ZNF708: variants seen among roughly 807,000 people sequenced by gnomAD.
The protein encoded by ZNF708 is ZNF15, ZNF15L1.
Under a neutral mutation model 47.0 loss-of-function variants are expected in ZNF708, and 44 were observed. The ratio of observed to expected loss-of-function variants is 0.94; its 90% CI spans 0.74 to 1.20. ZNF708 has a LOEUF of 1.20. Among genes scored for constraint, ZNF708 ranks in the 50% most tolerant of loss-of-function variants. The pLI, the probability that ZNF708 is intolerant of heterozygous loss-of-function variation, is 0.00. For missense variants in ZNF708, 557 were observed against 656.0 expected (o/e 0.85, Z 1.65); for synonymous variants, 184 against 218.5 (o/e 0.84, Z 1.39).
intron 1 of ZNF708, among the ~76,000 whole-genome samples, chr19:21,317,139 G>C (rs1973031476): frequency 1.3e-5 from 2 of 151,890 alleles, no homozygotes. Context: ...AATTAGCCAG[G>C]CATGGTGGTG....
chr19:21,314,626 C>G (rs1164554736), intron 1 of ZNF708, among the ~76,000 whole-genome samples: 1 of 152,152 alleles, frequency 6.6e-6, no homozygotes, highest in Non-Finnish European at 1.5e-5. Flanking sequence ...ACTGCTTCAT[C>G]TATTTTTCTA....
chr19:21,306,875 C>T (rs483383), intron 3 of ZNF708: 29,684 of 151,258 alleles, frequency 0.2, 3,189 homozygotes, highest in Non-Finnish European at 0.24. Flanking sequence ...ACCCGGGAGG[C>T]GGAGGTTTCA....
At chr19:21,307,330 A>G (rs1436962938) in intron 3 of ZNF708, among the ~76,000 whole-genome samples, 1 of 152,090 alleles carries the variant, frequency 6.6e-6, no homozygotes, top group Admixed American at 6.6e-5. Context: ...TGGCAGCCCA[A>G]AAAAGAAGAT....
chr19:21,308,813 T>C (rs551731154), intron 3 of ZNF708, among the ~76,000 whole-genome samples: 29 of 152,164 alleles, frequency 1.9e-4, no homozygotes, highest in Admixed American at 1.1e-3. Flanking sequence ...CCTGTAGTAA[T>C]ACAAATAAGA....
At chr19:21,301,822 C>T (rs1349942654) in intron 3 of ZNF708, among the ~76,000 whole-genome samples, 1 of 134,922 alleles carries the variant, frequency 7.4e-6, no homozygotes, top group Non-Finnish European at 1.6e-5. Context: ...AACCTAAGAA[C>T]TTTCCAAATG....
At chr19:21,310,268 GA>G (rs1190564188) in intron 2 of ZNF708, among the ~76,000 whole-genome samples, 2 of 151,400 alleles carry the variant, frequency 1.3e-5, no homozygotes, top group Non-Finnish European at 2.9e-5. Context: ...AACATGGTAA[GA>G]CCCCATCTCT....
intron 3 of ZNF708, among the ~76,000 whole-genome samples, chr19:21,304,502 C>A (rs1972721750): frequency 6.6e-6 from 1 of 152,096 alleles, no homozygotes; most frequent in Non-Finnish European, 1.5e-5. Flanking sequence ...CAGATATGTA[C>A]AAAACTTACC....
At position 21,293,961 on chromosome 19, in the gene ZNF708, G is replaced by T; in HGVS notation, c.1005C>A (p.Pro335=). The change falls in exon 4 of 4, where the codon CCC becomes CCA. Residue 335 remains proline (P), a synonymous_variant. Transcript: ENST00000356929. The part of the protein sequence containing the change: ...THKRIHTGEK[P]YKCEECGKAF... ...CTTTGCCACATTCTTCACATTTGTA[G>T]GGTTTCTCACCAGTATGAATCCTCT... 6.2e-7 allele frequency: 1 copy of T among 1,613,342 alleles called. No individual in the cohort carries two copies. The highest frequency in any genetic ancestry group is 8.5e-7 in the Non-Finnish European group (1 of 1,179,816).
rs902028112 is a variant in ZNF708, at chr19:21,293,852, C to T, written c.1114G>A (p.Ala372Thr). The change falls in exon 4 of 4, where the codon GCT (alanine) becomes ACT (threonine). Residue 372 changes from alanine to threonine, a missense_variant. Ala to Thr is a moderately conservative substitution (Grantham distance 58). Transcript: ENST00000356929. ...KPYKCEECGK[A>T]FNRSSHLTNH... is the part of the protein sequence containing the mutation. ...GTAAGGTGTGAGGACCGGTTAAAAG[C>T]TTTGCCACATTCTTCACATTTGTAG... is the stretch of plus-strand genomic sequence containing the variant. 2.5e-6 allele frequency: 4 copies of T among 1,612,242 alleles called. No homozygotes were observed. Among genetic ancestry groups the T allele is most frequent in the Non-Finnish European group, 3.4e-6 (4 of 1,179,542 alleles).
intron 3 of ZNF708, among the ~76,000 whole-genome samples, chr19:21,302,947 C>T (rs1303702040): frequency 6.6e-6 from 1 of 151,888 alleles, no homozygotes; most frequent in Non-Finnish European, 1.5e-5. Context: ...TTAAAGCAAT[C>T]ATTTTAAATA....
At chr19:21,296,907 C>T (rs1189040315) in intron 3 of ZNF708, among the ~76,000 whole-genome samples, 8 of 151,720 alleles carry the variant, frequency 5.3e-5, no homozygotes, top group South Asian at 2.1e-4. Flanking sequence ...CTGAGGAGGG[C>T]GGATCACCTG....
chr19:21,320,868 G>A (rs631436), intron 1 of ZNF708, among the ~76,000 whole-genome samples: 144,267 of 151,618 alleles, frequency 0.95, 68,885 homozygotes, highest in Middle Eastern at 1. Flanking sequence ...AAGGCTGGGC[G>A]CGGTGGCTCA....
intron 1 of ZNF708, among the ~76,000 whole-genome samples, chr19:21,316,133 C>CTTTTTTTTTTTTTTTTTTTTTT (rs544312163): frequency 9.5e-6 from 1 of 105,490 alleles, no homozygotes; most frequent in African/African-American, 3.7e-5. Context: ...TTTCTTTTTT[C>CTTTTTTTTTTTTTTTTTTTTTT]TTTTTTTTTT....
At chr19:21,311,906 T>C (rs1972905986) in intron 1 of ZNF708, among the ~76,000 whole-genome samples, 1 of 152,130 alleles carries the variant, frequency 6.6e-6, no homozygotes, top group African/African-American at 2.4e-5. Context: ...TGGCCACCCT[T>C]TTAGTGCAAA....
chr19:21,327,509 G>A (rs1208789972), intron 1 of ZNF708, among the ~76,000 whole-genome samples: 4 of 144,674 alleles, frequency 2.8e-5, no homozygotes, highest in Admixed American at 7.1e-5. Flanking sequence ...TCCAGCCTGG[G>A]CAACAAGAGT....
intron 1 of ZNF708, among the ~76,000 whole-genome samples, chr19:21,310,898 AT>A (rs2145171088): frequency 6.6e-6 from 1 of 152,328 alleles, no homozygotes; most frequent in East Asian, 1.9e-4. Context: ...GAACAGAAAC[AT>A]GTACATTTTT....
intron 1 of ZNF708, among the ~76,000 whole-genome samples, chr19:21,326,970 T>C (rs1973268476): frequency 6.6e-6 from 1 of 151,674 alleles, no homozygotes; most frequent in Non-Finnish European, 1.5e-5. Context: ...TTTGATTATA[T>C]ATATATTCAC....
chr19:21,302,200 A>C (rs1972673489), intron 3 of ZNF708, among the ~76,000 whole-genome samples: 1 of 152,170 alleles, frequency 6.6e-6, no homozygotes, highest in East Asian at 1.9e-4. Context: ...ATTAAATGTA[A>C]ATATACAGAC....
chr19:21,302,291 A>C (rs1272290249), intron 3 of ZNF708, among the ~76,000 whole-genome samples: 6 of 152,196 alleles, frequency 3.9e-5, no homozygotes, highest in Non-Finnish European at 5.9e-5. Flanking sequence ...TATAAAATAT[A>C]AATCTGTTAG....
Sources: allele counts gnomAD v4.1 joint callset (sites outside exome capture counted in the v4.1 genomes callset), GRCh38; gene constraint gnomAD v4.1.1; transcripts MANE v1.5; gene names NCBI Gene and HGNC (gene_info 2026-07-23, HGNC 2026-07-21).